OPN3: variants seen among roughly 807,000 people sequenced by gnomAD.
OPN3 encodes opsin 3, also known as opsin-3.
Under a neutral mutation model 33.8 loss-of-function variants are expected in OPN3, and 29 were observed. That is an observed-to-expected ratio of 0.86 (90% CI 0.64 to 1.17). The LOEUF is 1.17. Among genes scored for constraint, OPN3 ranks in the 50% most tolerant of loss-of-function variants. OPN3 has a pLI of 0.00. For missense variants in OPN3, 437 were observed against 514.1 expected, an observed-to-expected ratio of 0.85 and a Z score of 1.45; for synonymous variants, 216 against 216.1, an observed-to-expected ratio of 1.00 and a Z score of 0.00.
rs1171055324 is a variant in OPN3, at chr1:241,639,864, T to C, written c.373+18A>G. The stretch of plus-strand genomic sequence containing the variant: ...GAAGTTTGCAGAGGGGAGGCTGCCT[T>C]CTCCCAGTCCAACTCACCGAAGAGG... On this transcript the variant is annotated intron_variant, in intron 1 of 3. Coordinates refer to ENST00000366554, the MANE Select transcript of OPN3 (RefSeq NM_014322.3). 10 of 1,519,206 alleles carry C rather than the reference T, an allele frequency of 6.6e-6. No individual in the cohort carries two copies. The highest frequency in any genetic ancestry group is 6.0e-5 in the Admixed American group (3 of 49,930). The allele number at this position is 1,519,206 out of a possible 1,614,324, so 94.1% of individuals were successfully genotyped here. A position where few individuals can be genotyped will look rare whatever the true frequency, so the allele number is the denominator to read the frequency against.
intron 2 of OPN3, among the ~76,000 whole-genome samples, chr1:241,603,775 C>T (rs1165522053): frequency 6.6e-6 from 1 of 152,186 alleles, no homozygotes; most frequent in Non-Finnish European, 1.5e-5. Flanking sequence ...CTGTTCCACA[C>T]TGGGTTTGAG....
At chr1:241,596,179 C>A (rs1663502742) in intron 3 of OPN3, among the ~76,000 whole-genome samples, 1 of 152,112 alleles carries the variant, frequency 6.6e-6, no homozygotes, top group African/African-American at 2.4e-5. Context: ...AGAAAGAGTG[C>A]AACAAATAAT....
chr1:241,599,610 T>G (rs1173323928), intron 2 of OPN3, among the ~76,000 whole-genome samples: 1 of 152,154 alleles, frequency 6.6e-6, no homozygotes, highest in Non-Finnish European at 1.5e-5. Flanking sequence ...GGATAGAATA[T>G]TTTTCTATTT....
intron 1 of OPN3, chr1:241,629,684 T>G (rs1664544100): frequency 6.6e-6 from 1 of 152,138 alleles, no homozygotes. Flanking sequence ...GGTGTGAGAC[T>G]TGTAGTATTT....
intron 1 of OPN3, among the ~76,000 whole-genome samples, chr1:241,617,367 G>C (rs1400219063): frequency 6.6e-6 from 1 of 152,174 alleles, no homozygotes; most frequent in African/African-American, 2.4e-5. Flanking sequence ...GAATAGCTCT[G>C]TGACCTGCAA....
chr1:241,604,542 A>C lies in OPN3; in HGVS notation c.411T>G (p.Tyr137Ter). 1 of 1,614,010 alleles carries C rather than the reference A, an allele frequency of 6.2e-7. No homozygotes were observed. The change falls in exon 2 of 4, where the codon TAT becomes TAG. Residue 137 changes from tyrosine (Y) to a stop codon, truncating the protein, a stop_gained. Transcript: ENST00000366554. LOFTEE classifies it high-confidence loss of function. The stretch of plus-strand genomic sequence containing the variant: ...CATGGACCACGCGAATGTAACGTTC[A>C]TAGGCCAGCACGGTTAGGGTGGCAA... The part of the protein sequence containing the change: ...VSIATLTVLA[Y>*]ERYIRVVHAR...
At chr1:241,615,123 A>G (rs1015435302) in intron 1 of OPN3, among the ~76,000 whole-genome samples, 1 of 152,062 alleles carries the variant, frequency 6.6e-6, no homozygotes, top group Admixed American at 6.6e-5. Context: ...GTGGGAAAAA[A>G]GTTTGAATAT....
At chr1:241,608,475 C>A (rs746102263) in intron 1 of OPN3, among the ~76,000 whole-genome samples, 1 of 152,086 alleles carries the variant, frequency 6.6e-6, no homozygotes, top group Non-Finnish European at 1.5e-5. Flanking sequence ...ATCAAACAAG[C>A]AAATCAGTGC....
At chr1:241,633,577 T>C (rs898588578) in intron 1 of OPN3, 7 of 569,312 alleles carry the variant, frequency 1.2e-5, no homozygotes, top group South Asian at 2.1e-5. Flanking sequence ...CTGGGTCATA[T>C]AGCCCATTCT....
intron 2 of OPN3, among the ~76,000 whole-genome samples, chr1:241,599,953 G>T (rs1310536694): frequency 6.6e-6 from 1 of 152,090 alleles, no homozygotes; most frequent in African/African-American, 2.4e-5. Context: ...GATACTATAG[G>T]ATATCTGGAA....
intron 1 of OPN3, among the ~76,000 whole-genome samples, chr1:241,623,699 T>C (rs75873651): frequency 6.6e-6 from 1 of 152,378 alleles, no homozygotes; most frequent in East Asian, 1.9e-4. Context: ...ACCTAACTTG[T>C]AATGTAGACA....
intron 1 of OPN3, among the ~76,000 whole-genome samples, chr1:241,616,112 C>G (rs1167857394): frequency 6.6e-6 from 1 of 152,178 alleles, no homozygotes; most frequent in Non-Finnish European, 1.5e-5. Flanking sequence ...AGTGACCAAT[C>G]GTGGCCAACT....
At position 241,601,724 on chromosome 1, in the gene OPN3, AAAAC is replaced by A. The variant is rs368268919; in HGVS notation, c.693+2532_693+2535del. On this transcript the variant is annotated intron_variant, in intron 2 of 3. Transcript: ENST00000366554. Reference sequence around the variant, plus strand: ...TTCGTCTCAAAAAACAAAACAAAACAAAACAAACAAACAAACAGAAACAAAACGA... The same window carrying A: ...TTCGTCTCAAAAAACAAAACAAAACAAAACAAACAAACAGAAACAAAACGA... Among the ~76,000 whole-genome samples the A allele has an allele frequency of 8.4e-3, 1,277 of 152,204 alleles. 16 individuals are homozygous for A. Among genetic ancestry groups the A allele is most frequent in the African/African-American group, 0.028 (1,159 of 41,510 alleles).
At chr1:241,598,031 A>C (rs1663581194) in intron 2 of OPN3, 34 bp from the exon 3 acceptor site, 1 of 1,597,370 alleles carries the variant, frequency 6.3e-7, no homozygotes, top group South Asian at 1.1e-5. Flanking sequence ...AAGGGCTTAA[A>C]AAACAAAAGA....
chr1:241,605,347 C>T (rs2050511), intron 1 of OPN3, among the ~76,000 whole-genome samples: 5,844 of 152,186 alleles, frequency 0.038, 471 homozygotes, highest in Admixed American at 0.19. Flanking sequence ...AGAGGACTGC[C>T]GTAACCTGCG....
chr1:241,636,097 GAA>G (rs1256328289), intron 1 of OPN3: 2 of 438,316 alleles, frequency 4.6e-6, no homozygotes, highest in Non-Finnish European at 8.0e-6. Flanking sequence ...ATTCAAGAAA[GAA>G]TACATTGTAA....
At chr1:241,622,382 T>G (rs1314019177) in intron 1 of OPN3, among the ~76,000 whole-genome samples, 1 of 152,240 alleles carries the variant, frequency 6.6e-6, no homozygotes, top group Non-Finnish European at 1.5e-5. Context: ...AAAATTTTAA[T>G]GCTTTCTTAT....
chr1:241,636,114 T>C (rs1664888017), intron 1 of OPN3: 1 of 420,192 alleles, frequency 2.4e-6, no homozygotes, highest in Admixed American at 3.9e-5. Context: ...TTGTAAACAA[T>C]ATAAGAGAAA....
intron 1 of OPN3, among the ~76,000 whole-genome samples, chr1:241,610,709 G>C (rs568552055): frequency 1.3e-5 from 2 of 152,196 alleles, no homozygotes; most frequent in African/African-American, 4.8e-5. Flanking sequence ...ATAAAACAAT[G>C]TGATAAATTC....
Sources: allele counts gnomAD v4.1 joint callset (sites outside exome capture counted in the v4.1 genomes callset), GRCh38; gene constraint gnomAD v4.1.1; transcripts MANE v1.5; gene names NCBI Gene and HGNC (gene_info 2026-07-23, HGNC 2026-07-21).